The following SNX29 variants were observed in gnomAD, a reference collection of about 807,000 sequenced individuals.
The protein encoded by SNX29 is sorting nexin 29, also known as sorting nexin-29.
SNX29 carries 78 observed loss-of-function variants against 102.1 expected under a neutral mutation model. The observed-to-expected ratio is 0.76, with a 90% CI of 0.64 to 0.92. The LOEUF (loss-of-function observed/expected upper bound fraction) is 0.92, where lower values mean the gene tolerates loss of function less well. Ranked by LOEUF, SNX29 falls within the 40% of genes least tolerant of loss-of-function variation. The pLI is 0.00. For synonymous variants in SNX29, 580 were observed against 414.5 expected, an observed-to-expected ratio of 1.40 and a Z score of -4.85; for missense variants, 1,280 against 1,061.7, an observed-to-expected ratio of 1.21 and a Z score of -2.86.
chr16:12,200,329 T>C (rs1432333356), intron 14 of SNX29, among the ~76,000 whole-genome samples: 3 of 152,180 alleles, frequency 2.0e-5, no homozygotes, highest in Non-Finnish European at 4.4e-5. Context: ...TAAAATCTCC[T>C]AAAATATTTC....
At chr16:12,558,926 C>T (rs1259891357) in intron 20 of SNX29, among the ~76,000 whole-genome samples, 1 of 152,204 alleles carries the variant, frequency 6.6e-6, no homozygotes, top group Non-Finnish European at 1.5e-5. Flanking sequence ...TGTTTAATCT[C>T]ATAGGTGGGT....
At chr16:12,194,622 GTTT>G (rs34250906) in intron 13 of SNX29, among the ~76,000 whole-genome samples, 2 of 129,160 alleles carry the variant, frequency 1.5e-5, no homozygotes, top group Non-Finnish European at 3.3e-5. Context: ...GGGGTGGGTA[GTTT>G]TTTTTTTTTT....
chr16:12,171,482 AG>A (rs2076148717), intron 13 of SNX29, among the ~76,000 whole-genome samples: 1 of 152,160 alleles, frequency 6.6e-6, no homozygotes, highest in Non-Finnish European at 1.5e-5. Flanking sequence ...CTTCAGAGGG[AG>A]GGCTCTAGGG....
At chr16:12,526,860 C>T (rs913662520) in intron 20 of SNX29, 2 of 402,420 alleles carry the variant, frequency 5.0e-6, no homozygotes, top group Non-Finnish European at 9.4e-6. Flanking sequence ...GTAAAAAGTG[C>T]ACGTTAATGC....
intron 13 of SNX29, among the ~76,000 whole-genome samples, chr16:12,178,961 G>T (rs1209810354): frequency 2.0e-5 from 3 of 152,162 alleles, no homozygotes; most frequent in Non-Finnish European, 4.4e-5. Flanking sequence ...GTATCCCTGA[G>T]ATGCTTTGTA....
chr16:12,143,504 G>A (rs925409348), intron 13 of SNX29, among the ~76,000 whole-genome samples: 1 of 152,114 alleles, frequency 6.6e-6, no homozygotes, highest in African/African-American at 2.4e-5. Context: ...GGCTTCCACC[G>A]CTCCTAGATG....
At chr16:12,378,779 C>T (rs1209643759) in intron 16 of SNX29, among the ~76,000 whole-genome samples, 1 of 152,144 alleles carries the variant, frequency 6.6e-6, no homozygotes, top group Admixed American at 6.5e-5. Context: ...CTGCCTGACT[C>T]CGTTCTCACT....
chr16:12,362,201 C>T (rs116818351), intron 16 of SNX29, among the ~76,000 whole-genome samples: 3,601 of 152,284 alleles, frequency 0.024, 158 homozygotes, highest in African/African-American at 0.082. Context: ...TTGGATGTTG[C>T]ATAGTTTCCC....
At chr16:11,990,199 G>A (rs2055795404) in intron 1 of SNX29, among the ~76,000 whole-genome samples, 1 of 152,124 alleles carries the variant, frequency 6.6e-6, no homozygotes, top group Admixed American at 6.5e-5. Flanking sequence ...GTTTCATGTC[G>A]AGTTGGCTGG....
At chr16:12,024,060 G>A (rs2057115301) in intron 3 of SNX29, among the ~76,000 whole-genome samples, 2 of 152,134 alleles carry the variant, frequency 1.3e-5, no homozygotes, top group South Asian at 4.1e-4. Context: ...AGTGGCGAGC[G>A]CTGCAGTACA....
chr16:12,539,192 A>T (rs934106082), intron 20 of SNX29, among the ~76,000 whole-genome samples: 5 of 152,190 alleles, frequency 3.3e-5, no homozygotes, highest in South Asian at 4.1e-4. Context: ...ACATGCATAG[A>T]TTTGAGTAAC....
chr16:12,454,708 ATTTATTTTTATTT>A (rs1489836083), intron 18 of SNX29, among the ~76,000 whole-genome samples: 6 of 151,924 alleles, frequency 3.9e-5, no homozygotes, highest in South Asian at 2.1e-4. Flanking sequence ...GAATTTATTT[ATTTATTTTTATTT>A]TTTATTTTTA....
chr16:12,131,685 A>G lies in SNX29; in HGVS notation c.1595+1927A>G, dbSNP rs2054473637. 1.3e-5 allele frequency among the ~76,000 whole-genome samples: 2 copies of G among 152,224 alleles called. 1 individual carries two copies. Among genetic ancestry groups the G allele is most frequent in the South Asian group, 4.1e-4 (2 of 4,828 alleles). The stretch of plus-strand genomic sequence containing the variant: ...TGTTCTGTAAATCTACTTTAAAATA[A>G]GACCACGAGATAAACACGTCTTGTG... On this transcript the variant is annotated intron_variant, in intron 13 of 20. Coordinates refer to ENST00000566228, the MANE Select transcript of SNX29 (RefSeq NM_032167.5).
At chr16:12,336,555 G>T (rs1033407746) in intron 15 of SNX29, among the ~76,000 whole-genome samples, 1 of 152,182 alleles carries the variant, frequency 6.6e-6, no homozygotes, top group African/African-American at 2.4e-5. Flanking sequence ...TTTGCATTTG[G>T]AGTGGTGAAA....
At chr16:12,310,098 AC>A (rs1426910692) in intron 15 of SNX29, among the ~76,000 whole-genome samples, 2 of 144,860 alleles carry the variant, frequency 1.4e-5, no homozygotes, top group Admixed American at 6.8e-5. Flanking sequence ...ACATGCACAC[AC>A]ATGCACACAT....
intron 13 of SNX29, 149 bp from the exon 14 acceptor site, chr16:12,199,452 G>A (rs2076859237): frequency 1.6e-6 from 1 of 611,058 alleles, no homozygotes; most frequent in Non-Finnish European, 2.9e-6. Flanking sequence ...CTCCCGTGAT[G>A]ATATCTAAAC....
chr16:12,135,701 C>T (rs2054635076), intron 13 of SNX29: 1 of 1,023,658 alleles, frequency 9.8e-7, no homozygotes. Flanking sequence ...CTGGACTTTT[C>T]ATGTATGTGA....
At chr16:12,522,694 A>G (rs2090145703) in intron 19 of SNX29, among the ~76,000 whole-genome samples, 1 of 152,064 alleles carries the variant, frequency 6.6e-6, no homozygotes, top group African/African-American at 2.4e-5. Context: ...GCCTTCCACC[A>G]TGATTGTAAG....
At chr16:12,527,967 T>A (rs9929012) in intron 20 of SNX29, among the ~76,000 whole-genome samples, 3 of 150,450 alleles carry the variant, frequency 2.0e-5, no homozygotes, top group African/African-American at 7.3e-5. Context: ...TGGGACTACA[T>A]GTGCCCACCA....
Sources: allele counts gnomAD v4.1 joint callset (sites outside exome capture counted in the v4.1 genomes callset), GRCh38; gene constraint gnomAD v4.1.1; transcripts MANE v1.5; gene names NCBI Gene and HGNC (gene_info 2026-07-23, HGNC 2026-07-21).